Variants in EML6 observed in about 807,000 individuals in gnomAD.
EML6 encodes the protein EMAP like 6, also known as echinoderm microtubule-associated protein-like 6.
In EML6, 154 loss-of-function variants were observed where a neutral mutation model predicts 240.1. That is an observed-to-expected ratio of 0.64 (90% CI 0.56 to 0.73). The LOEUF (loss-of-function observed/expected upper bound fraction) is 0.73. Ranked by LOEUF, EML6 falls within the 30% of genes least tolerant of loss-of-function variation. The probability of loss-of-function intolerance (pLI) is 0.00; values close to 1 mark genes in which losing one functional copy is unlikely to be tolerated. For missense variants in EML6, 2,964 were observed against 2,474.6 expected (o/e 1.20, Z -4.20); for synonymous variants, 1,148 against 899.0 (o/e 1.28, Z -4.95).
At chr2:54,834,243 C>G (rs924890109) in intron 7 of EML6, among the ~76,000 whole-genome samples, 1 of 152,166 alleles carries the variant, frequency 6.6e-6, no homozygotes, top group Non-Finnish European at 1.5e-5. Flanking sequence ...AAGTCACTCA[C>G]TCATACCTCA....
intron 7 of EML6, among the ~76,000 whole-genome samples, chr2:54,830,537 C>T (rs1205859297): frequency 1.3e-5 from 2 of 152,168 alleles, no homozygotes; most frequent in African/African-American, 2.4e-5. Flanking sequence ...GGCTGTTCCT[C>T]ATGAAGCCCC....
chr2:54,920,972 A>T (rs1674215645), intron 26 of EML6, among the ~76,000 whole-genome samples: 1 of 152,102 alleles, frequency 6.6e-6, no homozygotes, highest in African/African-American at 2.4e-5. Flanking sequence ...TCATGATTAA[A>T]AACACTTCAA....
intron 2 of EML6, among the ~76,000 whole-genome samples, chr2:54,804,374 C>G (rs1195077411): frequency 6.6e-6 from 1 of 152,314 alleles, no homozygotes; most frequent in Middle Eastern, 3.4e-3. Flanking sequence ...TCACATAGAC[C>G]TCTCTCATTA....
At chr2:54,841,357 C>G (rs977196021) in intron 7 of EML6, among the ~76,000 whole-genome samples, 3 of 152,168 alleles carry the variant, frequency 2.0e-5, no homozygotes, top group Non-Finnish European at 4.4e-5. Flanking sequence ...CATTTCAAGA[C>G]CTGTAGCAAT....
chr2:54,966,590 A>C, intron 38 of EML6: 1 of 155,938 alleles, frequency 6.4e-6, no homozygotes, highest in Middle Eastern at 1.3e-3. Context: ...TTTCCTGTGA[A>C]CTGGGATTCC....
intron 30 of EML6, among the ~76,000 whole-genome samples, chr2:54,951,817 C>G (rs1675995834): frequency 6.6e-6 from 1 of 152,018 alleles, no homozygotes; most frequent in Admixed American, 6.6e-5. Context: ...TTGTGTGTAT[C>G]TGAGGGGGAG....
intron 7 of EML6, among the ~76,000 whole-genome samples, chr2:54,843,759 C>T (rs966247168): frequency 6.7e-6 from 1 of 148,956 alleles, no homozygotes; most frequent in Non-Finnish European, 1.5e-5. Flanking sequence ...AGGAGAATGG[C>T]GTGAACCCGG....
chr2:54,870,139 G>C (rs546604972), intron 15 of EML6, among the ~76,000 whole-genome samples: 9 of 152,256 alleles, frequency 5.9e-5, no homozygotes, highest in South Asian at 4.2e-4. Context: ...AACATTCTTG[G>C]TATAATGTCA....
At chr2:54,943,796 A>G (rs1228983707) in intron 28 of EML6, among the ~76,000 whole-genome samples, 1 of 152,262 alleles carries the variant, frequency 6.6e-6, no homozygotes, top group Admixed American at 6.5e-5. Context: ...ATATTTCAAC[A>G]TGTAATATAA....
At chr2:54,887,683 G>T (rs1053812313) in intron 17 of EML6, among the ~76,000 whole-genome samples, 2 of 152,122 alleles carry the variant, frequency 1.3e-5, no homozygotes, top group Admixed American at 6.5e-5. Flanking sequence ...CCTAGTATCT[G>T]AGGAACAGGT....
chr2:54,889,643 C>A (rs1467839328), intron 17 of EML6, among the ~76,000 whole-genome samples: 1 of 151,796 alleles, frequency 6.6e-6, no homozygotes, highest in Non-Finnish European at 1.5e-5. Flanking sequence ...ATATACTGTA[C>A]CTTTACTAAA....
chr2:54,780,594 T>A (rs1013021737), intron 2 of EML6, among the ~76,000 whole-genome samples: 5 of 152,180 alleles, frequency 3.3e-5, no homozygotes, highest in African/African-American at 1.2e-4. Flanking sequence ...GAATTCAAGG[T>A]TAAAAAAGAA....
intron 18 of EML6, among the ~76,000 whole-genome samples, 163 bp downstream of exon 18, chr2:54,891,317 T>G (rs1672457447): frequency 6.6e-6 from 1 of 152,234 alleles, no homozygotes; most frequent in Non-Finnish European, 1.5e-5. Context: ...GCTTGAAGCT[T>G]AGAACACTCT....
intron 2 of EML6, among the ~76,000 whole-genome samples, chr2:54,764,029 C>T (rs533871962): frequency 9.2e-5 from 14 of 152,310 alleles, no homozygotes; most frequent in South Asian, 2.1e-4. Context: ...CCTTTTCCCT[C>T]GTTGACCTTC....
At chr2:54,901,028 A>T (rs922774963) in intron 22 of EML6, among the ~76,000 whole-genome samples, 1 of 152,236 alleles carries the variant, frequency 6.6e-6, no homozygotes, top group Non-Finnish European at 1.5e-5. Context: ...GGGTAATAAA[A>T]TGAAGAAAGG....
chr2:54,834,787 T>G (rs939037244), intron 7 of EML6, among the ~76,000 whole-genome samples: 1 of 152,188 alleles, frequency 6.6e-6, no homozygotes, highest in Non-Finnish European at 1.5e-5. Context: ...CTTGTCACTA[T>G]CTCCACTGAA....
At chr2:54,836,875 A>G (rs1228697600) in intron 7 of EML6, among the ~76,000 whole-genome samples, 1 of 151,966 alleles carries the variant, frequency 6.6e-6, no homozygotes, top group African/African-American at 2.4e-5. Flanking sequence ...CATTTCTTTC[A>G]CATTTCCAAA....
At chr2:54,904,444 G>A (rs1403092832) in intron 24 of EML6, among the ~76,000 whole-genome samples, 1 of 152,174 alleles carries the variant, frequency 6.6e-6, no homozygotes, top group Non-Finnish European at 1.5e-5. Context: ...TGCTCTGAGG[G>A]AAAGCTCCTT....
At chr2:54,853,978 T>G (rs145092548) in intron 11 of EML6, 123 bp downstream of exon 11, 11 of 528,734 alleles carry the variant, frequency 2.1e-5, no homozygotes, top group Non-Finnish European at 3.4e-5. Context: ...TATATTCTTA[T>G]TTACTTTTCA....
Sources: gnomAD v4.1 joint callset for allele counts (sites outside exome capture counted in the v4.1 genomes callset) on GRCh38, gnomAD v4.1.1 for gene constraint, MANE v1.5 for transcripts, NCBI Gene and HGNC (gene_info 2026-07-23, HGNC 2026-07-21) for gene names.